Variants in DLC1 observed in about 807,000 individuals in gnomAD.
DLC1 encodes DLC1 Rho GTPase activating protein, also known as rho GTPase-activating protein 7.
Under a neutral mutation model 140.3 loss-of-function variants are expected in DLC1, and 54 were observed. The observed-to-expected ratio is 0.38, with a 90% CI of 0.31 to 0.48. The LOEUF (loss-of-function observed/expected upper bound fraction) is 0.48, where lower values mean the gene tolerates loss of function less well. Ranked by LOEUF, DLC1 falls within the 20% of genes least tolerant of loss-of-function variation. The pLI, the probability that DLC1 is intolerant of heterozygous loss-of-function variation, is 0.96. For missense variants in DLC1, 2,536 were observed against 1,907.0 expected (o/e 1.33, Z -6.14); for synonymous variants, 986 against 728.1 (o/e 1.35, Z -5.70).
In DLC1 at chr8:13,290,903, G is replaced by A. The variant is rs572884853; in HGVS notation, c.1348+14366C>T. Among the ~76,000 whole-genome samples the A allele has an allele frequency of 2.0e-5, 3 of 152,250 alleles. No individual in the cohort carries two copies. In the South Asian group the frequency reaches 6.2e-4, roughly 32 times the overall value. ...TAGAGTGGCCAGAGCTGGAGACTGT[G>A]CAGACATATCTTGTTTTTCTTTGAG... On this transcript the variant is annotated intron_variant, in intron 5 of 17. Transcript: ENST00000276297.
intron 7 of DLC1, among the ~76,000 whole-genome samples, chr8:13,106,454 C>T (rs1179108542): frequency 6.6e-6 from 1 of 152,094 alleles, no homozygotes; most frequent in Non-Finnish European, 1.5e-5. Flanking sequence ...CTCACAGGAT[C>T]CTCCCGCCTC....
intron 2 of DLC1, among the ~76,000 whole-genome samples, chr8:13,438,913 C>T (rs543892960): frequency 6.6e-6 from 1 of 152,312 alleles, no homozygotes; most frequent in African/African-American, 2.4e-5. Context: ...GTATTTTAGC[C>T]TTCGTGTGCC....
chr8:13,238,722 A>T lies in DLC1; in HGVS notation c.1348+66547T>A, dbSNP rs377575626. 4.6e-5 allele frequency among the ~76,000 whole-genome samples: 7 copies of T among 152,196 alleles called. No individual in the cohort carries two copies. The East Asian group carries it at 1.4e-3, about 29-fold the overall frequency. ...GGCTGGGAGTCACTGAGTGGGGCAG[A>T]TCCTGCCCAGCTGTGGCCCTGGGTT... On this transcript the variant is annotated intron_variant, in intron 5 of 17. Transcript: ENST00000276297.
chr8:13,174,863 T>C (rs1167744241), intron 5 of DLC1, among the ~76,000 whole-genome samples: 2 of 152,210 alleles, frequency 1.3e-5, no homozygotes, highest in African/African-American at 4.8e-5. Context: ...TTCTGTTTAA[T>C]TAGGTCCCAC....
intron 2 of DLC1, among the ~76,000 whole-genome samples, chr8:13,407,088 G>A (rs1250447957): frequency 6.6e-6 from 1 of 152,110 alleles, no homozygotes; most frequent in Admixed American, 6.6e-5. Context: ...TAGATACGAG[G>A]CAAATTAGGA....
intron 4 of DLC1, among the ~76,000 whole-genome samples, chr8:13,332,506 T>C (rs1044866269): frequency 7.9e-5 from 12 of 151,650 alleles, no homozygotes; most frequent in African/African-American, 2.9e-4. Context: ...TCTCGGCTCA[T>C]TGCAACCTCC....
intron 5 of DLC1, among the ~76,000 whole-genome samples, chr8:13,225,383 G>C (rs768159654): frequency 4.6e-5 from 7 of 152,032 alleles, no homozygotes; most frequent in Non-Finnish European, 7.4e-5. Flanking sequence ...GTGAACAACC[G>C]GTTGGCACCT....
At chr8:13,586,882 A>G (rs1805338093) in intron 1 of DLC1, among the ~76,000 whole-genome samples, 1 of 152,120 alleles carries the variant, frequency 6.6e-6, no homozygotes, top group Admixed American at 6.6e-5. Context: ...CCTAGTTTTG[A>G]TCATTCTAAG....
At chr8:13,460,886 T>C (rs971343226) in intron 2 of DLC1, among the ~76,000 whole-genome samples, 3 of 152,092 alleles carry the variant, frequency 2.0e-5, no homozygotes, top group African/African-American at 7.2e-5. Context: ...TATTTCACAG[T>C]GTGAGGGGAA....
chr8:13,251,857 A>G (rs751000636), intron 5 of DLC1, among the ~76,000 whole-genome samples: 1 of 152,208 alleles, frequency 6.6e-6, no homozygotes, highest in African/African-American at 2.4e-5. Context: ...AATTATTATT[A>G]GAGACAACAT....
intron 2 of DLC1, among the ~76,000 whole-genome samples, chr8:13,453,557 T>TA (rs1491341936): frequency 0.022 from 532 of 24,222 alleles, 37 homozygotes; most frequent in East Asian, 0.031. Flanking sequence ...TATATATATA[T>TA]TTTTTTTTTT....
intron 5 of DLC1, among the ~76,000 whole-genome samples, chr8:13,266,677 A>C (rs1830700324): frequency 6.6e-6 from 1 of 152,166 alleles, no homozygotes. Context: ...TCTGGAAGGC[A>C]GAAGTTGCTG....
At chr8:13,374,585 C>A (rs1835881709) in intron 4 of DLC1, among the ~76,000 whole-genome samples, 1 of 152,120 alleles carries the variant, frequency 6.6e-6, no homozygotes, top group Non-Finnish European at 1.5e-5. Flanking sequence ...GAGTTTGAGA[C>A]CCGCGTGGCC....
At chr8:13,449,083 C>T (rs1429913707) in intron 2 of DLC1, among the ~76,000 whole-genome samples, 1 of 152,124 alleles carries the variant, frequency 6.6e-6, no homozygotes, top group Admixed American at 6.6e-5. Context: ...TTACAAGCCA[C>T]AATCATTCCA....
intron 5 of DLC1, among the ~76,000 whole-genome samples, chr8:13,225,676 C>T (rs144003355): frequency 0.019 from 2,743 of 147,980 alleles, 95 homozygotes; most frequent in African/African-American, 0.064. Context: ...AGTGCAGAGG[C>T]GCGGCCTCGG....
intron 1 of DLC1, among the ~76,000 whole-genome samples, chr8:13,508,088 C>G (rs1802184629): frequency 6.6e-6 from 1 of 152,178 alleles, no homozygotes; most frequent in African/African-American, 2.4e-5. Flanking sequence ...TGTTGCAAAA[C>G]TGCAAGCTAT....
At position 13,401,477 on chromosome 8, in the gene DLC1, T is replaced by C; in HGVS notation, c.1166A>G (p.His389Arg). ...PSGTPTNLRR[H>R]VPDLESGSES... Reference sequence around the variant, plus strand: ...AGAAAGTGGAAAGCTCACAGGAACGTGCCGCCGCAGGTTTGTTGGTGTGCC... The same window carrying C: ...AGAAAGTGGAAAGCTCACAGGAACGCGCCGCCGCAGGTTTGTTGGTGTGCC... Residue 389 changes from histidine (H) to arginine (R), a missense_variant, in exon 3 of 18, where the codon CAC (histidine) becomes CGC (arginine). Transcript: ENST00000276297. 1 of 1,612,298 alleles carries C rather than the reference T, an allele frequency of 6.2e-7. No individual in the cohort carries two copies. The highest frequency in any genetic ancestry group is 8.5e-7 in the Non-Finnish European group (1 of 1,179,948).
At chr8:13,295,180 A>G (rs932242130) in intron 5 of DLC1, among the ~76,000 whole-genome samples, 5 of 152,228 alleles carry the variant, frequency 3.3e-5, no homozygotes, top group African/African-American at 9.6e-5. Flanking sequence ...TATTTTCCCC[A>G]CTTATCTATT....
intron 5 of DLC1, among the ~76,000 whole-genome samples, chr8:13,290,847 G>C (rs908167144): frequency 9.2e-5 from 14 of 152,122 alleles, no homozygotes; most frequent in Non-Finnish European, 1.9e-4. Context: ...GATGGCACTA[G>C]GGGGCAACTG....
Sources: allele counts gnomAD v4.1 joint callset (sites outside exome capture counted in the v4.1 genomes callset), GRCh38; gene constraint gnomAD v4.1.1; transcripts MANE v1.5; gene names NCBI Gene and HGNC (gene_info 2026-07-23, HGNC 2026-07-21).